The following INF2 variants were observed in gnomAD, a reference collection of about 807,000 sequenced individuals.
INF2 encodes inverted formin-2.
INF2 carries 43 observed loss-of-function variants against 123.5 expected under a neutral mutation model. The observed-to-expected ratio is 0.35, with a 90% CI of 0.27 to 0.45. The LOEUF is 0.45. INF2 is among the 20% of genes least tolerant of loss of function. The pLI is 1.00. For synonymous variants in INF2, 851 were observed against 745.0 expected (o/e 1.14, Z -2.32); for missense variants, 1,453 against 1,682.7 (o/e 0.86, Z 2.39).
intron 15 of INF2, 53 bp downstream of exon 15, chr14:104,711,239 TG>T: frequency 1.4e-6 from 2 of 1,442,332 alleles, no homozygotes; most frequent in Middle Eastern, 1.9e-4. Flanking sequence ...CCCCCGGACC[TG>T]GGGTGTAGAG....
In INF2 at chr14:104,718,841, G is replaced by A. The variant is rs753150991; in HGVS notation, c.*48G>A. The A allele has an allele frequency of 1.3e-5, 21 of 1,610,896 alleles. No individual in the cohort carries two copies. The highest frequency in any genetic ancestry group is 3.4e-4 in the Middle Eastern group (2 of 5,910). ...CCAAGTGAGAGAGCCCAGGCCACAGGACATGCTGCCATTCTGCCAAGAGAG... is the reference window on the plus strand; with the variant it reads ...CCAAGTGAGAGAGCCCAGGCCACAGAACATGCTGCCATTCTGCCAAGAGAG... On this transcript the variant is annotated 3_prime_UTR_variant, in exon 23 of 23. Coordinates refer to ENST00000392634, the MANE Select transcript of INF2 (RefSeq NM_022489.4).
rs1237851373 is a variant in INF2, at chr14:104,710,170, G to C, written c.2221G>C (p.Val741Leu). The C allele has an allele frequency of 8.4e-6, 13 of 1,549,684 alleles. No homozygotes were observed. Among genetic ancestry groups the C allele is most frequent in the Non-Finnish European group, 1.1e-5 (13 of 1,147,518 alleles). Reference protein sequence around the residue: ...LDMVRPKAQLVLAACESLLTS... With the variant: ...LDMVRPKAQLLLAACESLLTS... ...CATGGTGCGGCCCAAGGCCCAGCTG[G>C]TGCTGGCTGCCTGCGAAAGTGAGTG... The change falls in exon 13 of 23, where the codon GTG becomes CTG. Residue 741 changes from valine (V) to leucine (L), a missense_variant. This residue lies in a region of INF2 where 192 missense variants were observed against 274.4 expected (regional missense o/e 0.70). Transcript: ENST00000392634.
rs4078243 is a variant in INF2, at chr14:104,682,133, G to C, written c.-104+551G>C. On this transcript the variant is annotated intron_variant, in intron 1 of 2. Coordinates refer to the INF2 transcript ENST00000674723. ...GTATGTGGAGTCAGATAGGGGTTTGGGGTTTGGGGTTATTTTTAACCCGTA... is the reference window on the plus strand; with the variant it reads ...GTATGTGGAGTCAGATAGGGGTTTGCGGTTTGGGGTTATTTTTAACCCGTA... Among the ~76,000 whole-genome samples, 651 of 152,284 alleles carry C rather than the reference G, an allele frequency of 4.3e-3. 8 individuals carry two copies. Among genetic ancestry groups the C allele is most frequent in the African/African-American group, 0.015 (636 of 41,558 alleles).
chr14:104,711,784 G>T, intron 16 of INF2, 85 bp downstream of exon 16: 1 of 1,320,530 alleles, frequency 7.6e-7, no homozygotes, highest in Non-Finnish European at 1.1e-6. Flanking sequence ...TGCCCGCCAG[G>T]GCTGGGTCTC....
In INF2 at chr14:104,708,471, G is replaced by A. The variant is rs369421697; in HGVS notation, c.1771G>A (p.Asp591Asn). Residue 591 changes from aspartate (D) to asparagine (N), a missense_variant, in exon 9 of 23, where the codon GAC becomes AAC. By Grantham distance (23) the Asp-to-Asn change is conservative (BLOSUM62 1). Coordinates refer to ENST00000392634, the MANE Select transcript of INF2 (RefSeq NM_022489.4). ...TATGTGGGCGTCCCTGAGCAGCCCCGACGCCGAGGCTGTGGAGCCCGACTT... is the reference window on the plus strand; with the variant it reads ...TATGTGGGCGTCCCTGAGCAGCCCCAACGCCGAGGCTGTGGAGCCCGACTT... Reference protein sequence around the residue: ...NSMWASLSSPDAEAVEPDFSS... With the variant: ...NSMWASLSSPNAEAVEPDFSS... 58 of 1,612,356 alleles carry A rather than the reference G, an allele frequency of 3.6e-5. No individual in the cohort carries two copies. The highest frequency in any genetic ancestry group is 2.5e-4 in the Admixed American group (15 of 59,996).
In INF2 at chr14:104,701,621, G is replaced by GGCC; in HGVS notation, c.259_261dup (p.Arg87dup). On this transcript the variant is annotated inframe_insertion, in exon 2 of 23. Coordinates refer to ENST00000392634, the MANE Select transcript of INF2 (RefSeq NM_022489.4). ...GCTGGAGGCGCTGGCGCGGCTGTCGGGCCGCGGCGTTGCACGTATCTCCGA... is the reference window on the plus strand; with the variant it reads ...GCTGGAGGCGCTGGCGCGGCTGTCGGGCCGCCGCGGCGTTGCACGTATCTCCGA... 6.2e-7 allele frequency: 1 copy of GGCC among 1,603,092 alleles called. No individual in the cohort carries two copies. The highest frequency in any genetic ancestry group is 8.5e-7 in the Non-Finnish European group (1 of 1,177,754).
At chr14:104,712,305 T>C in intron 16 of INF2, 128 bp from the exon 17 acceptor site, 1 of 1,281,208 alleles carries the variant, frequency 7.8e-7, no homozygotes, top group Non-Finnish European at 1.1e-6. Flanking sequence ...ACACTGCACG[T>C]GCAGCCTCAG....
At chr14:104,705,648 T>C (rs75425579) in intron 5 of INF2, among the ~76,000 whole-genome samples, 8,997 of 152,252 alleles carry the variant, frequency 0.059, 338 homozygotes, top group Non-Finnish European at 0.084. Context: ...AGGTGTGGTC[T>C]TCACTGTAGT....
In INF2 at chr14:104,699,074, A is replaced by G. The variant is rs1889343033; in HGVS notation, c.-9-2283A>G. ...GGGCAAGGAGCGCTGGGCAGTGCCA[A>G]GAGGGGCAGTACTCAGGTCAGGGAG... On this transcript the variant is annotated intron_variant, in intron 1 of 22. Transcript: ENST00000392634. This position sits in a 1 kb window ranked among gnomAD's most constrained non-coding sequence, Gnocchi z 4.7. Among the ~76,000 whole-genome samples the G allele has an allele frequency of 6.6e-6, 1 of 152,070 alleles. No individual in the cohort carries two copies. The highest frequency in any genetic ancestry group is 2.1e-4 in the South Asian group (1 of 4,814).
intron 1 of INF2, among the ~76,000 whole-genome samples, chr14:104,683,672 C>T (rs1888588490): frequency 6.6e-6 from 1 of 150,470 alleles, no homozygotes; most frequent in Admixed American, 6.7e-5. Flanking sequence ...CTTTGGAGAC[C>T]TACAAAGTCT....
At chr14:104,718,736 C>A in intron 22 of INF2, 59 bp from the exon 23 acceptor site, 2 of 1,595,910 alleles carry the variant, frequency 1.3e-6, no homozygotes, top group Non-Finnish European at 1.7e-6. Flanking sequence ...GAAGCGGGCA[C>A]CTGATATTGT....
chr14:104,714,863 CAGGG>C lies in INF2; in HGVS notation c.3694+12_3694+15del, dbSNP rs766461452. The C allele has an allele frequency of 1.2e-4, 180 of 1,547,714 alleles. No homozygotes were observed. In the African/African-American group the frequency reaches 2.3e-3, roughly 20 times the overall value. ...CCCTCCAGGAGCCAGGAAGGTAACT[CAGGG>C]AGGGGCCCCGGGCACCGTCCCACGC... On this transcript the variant is annotated splice_region_variant and intron_variant, in intron 21 of 22. Transcript: ENST00000392634.
chr14:104,701,285 C>G, intron 1 of INF2, 72 bp from the exon 2 acceptor site: 1 of 1,494,436 alleles, frequency 6.7e-7, no homozygotes, highest in Non-Finnish European at 9.0e-7. Flanking sequence ...GAAGTGGCCC[C>G]GCCTGCGCTG....
At chr14:104,711,768 G>T in intron 16 of INF2, 69 bp downstream of exon 16, 1 of 1,454,828 alleles carries the variant, frequency 6.9e-7, no homozygotes. Context: ...CAGGCAGTGA[G>T]GTGGCTGCCC....
rs956950753 is a variant in INF2, at chr14:104,708,052, G to T, written c.1735+50G>T. ...GAAGCTTCCCCTAGGACGGGGGCTG[G>T]TCTCTGCTGGGGAGAGGGGCAGGTG... is the stretch of plus-strand genomic sequence containing the variant. On this transcript the variant is annotated intron_variant, in intron 8 of 22. Coordinates refer to ENST00000392634, the MANE Select transcript of INF2 (RefSeq NM_022489.4). 18 of 1,597,144 alleles carry T rather than the reference G, an allele frequency of 1.1e-5. No individual in the cohort carries two copies. The African/African-American group carries it at 2.4e-4, about 21-fold the overall frequency.
In INF2 at chr14:104,699,141, T is replaced by G. The variant is rs891784397; in HGVS notation, c.-9-2216T>G. Among the ~76,000 whole-genome samples the G allele has an allele frequency of 7.9e-5, 12 of 152,026 alleles. No homozygotes were observed. In the East Asian group the frequency reaches 1.9e-3, roughly 25 times the overall value. Reference sequence around the variant, plus strand: ...GGACACCCTGGGGCCTGGGGCACGGTGGCTCTCGGCGGCACTGCTTGTCTC... The same window carrying G: ...GGACACCCTGGGGCCTGGGGCACGGGGGCTCTCGGCGGCACTGCTTGTCTC... On this transcript the variant is annotated intron_variant, in intron 1 of 22. Transcript: ENST00000392634. The surrounding 1 kb of genome is among the most constrained non-coding windows in gnomAD (Gnocchi z 4.7).
intron 1 of INF2, 29 bp from the exon 2 acceptor site, chr14:104,701,328 G>A (rs1282756367): frequency 2.6e-6 from 4 of 1,547,274 alleles, no homozygotes; most frequent in South Asian, 1.2e-5. Flanking sequence ...TCCCCTCCCC[G>A]CTGACGGCTC....
chr14:104,700,775 C>T (rs76136813), intron 1 of INF2: 99,944 of 916,952 alleles, frequency 0.11, 7,786 homozygotes, highest in African/African-American at 0.37. Context: ...CACATGCAGA[C>T]GGGCAGACTG....
chr14:104,709,535 A>G (rs1889943803), intron 11 of INF2, 85 bp from the exon 12 acceptor site: 2 of 1,351,538 alleles, frequency 1.5e-6, no homozygotes, highest in African/African-American at 1.4e-5. Flanking sequence ...CATGATGGGC[A>G]CTGGAGGGGC....
Sources: allele counts gnomAD v4.1 joint callset (sites outside exome capture counted in the v4.1 genomes callset), GRCh38; gene constraint gnomAD v4.1.1; regional missense constraint gnomAD v4.1.1; non-coding constraint Gnocchi (gnomAD v3.1); transcripts MANE v1.5; gene names NCBI Gene and HGNC (gene_info 2026-07-23, HGNC 2026-07-21).